Variants in RHOBTB2 observed in about 807,000 individuals in gnomAD.
RHOBTB2 encodes the protein Rho related BTB domain containing 2.
A neutral mutation model predicts 66.5 loss-of-function variants in RHOBTB2; 39 were observed. The observed-to-expected ratio is 0.59, with a 90% CI of 0.45 to 0.77. RHOBTB2 has a LOEUF of 0.77. Ranked by LOEUF, RHOBTB2 falls within the 30% of genes least tolerant of loss-of-function variation. RHOBTB2 has a pLI of 0.00. For synonymous variants in RHOBTB2, 390 were observed against 395.0 expected (o/e 0.99, Z 0.15); for missense variants, 755 against 999.1 (o/e 0.76, Z 3.29).
chr8:22,962,816 G>C, the RHOBTB2 span, among the ~76,000 whole-genome samples: 1 of 152,240 alleles, frequency 6.6e-6, no homozygotes, highest in African/African-American at 2.4e-5. Context: ...TCCCAGAGCA[G>C]AGCCATAGGC....
At chr8:22,958,681 G>C in the RHOBTB2 span, among the ~76,000 whole-genome samples, 1 of 151,534 alleles carries the variant, frequency 6.6e-6, no homozygotes. Flanking sequence ...CACACCTGTG[G>C]TTCCGGCTAC....
the RHOBTB2 span, among the ~76,000 whole-genome samples, chr8:22,981,203 A>G: frequency 2.0e-5 from 3 of 152,256 alleles, no homozygotes; most frequent in Non-Finnish European, 4.4e-5. Flanking sequence ...GCAAGTTGTC[A>G]GTGCCTGGCA....
chr8:22,964,112 GT>G, the RHOBTB2 span, among the ~76,000 whole-genome samples: 4 of 151,632 alleles, frequency 2.6e-5, no homozygotes, highest in African/African-American at 4.8e-5. Context: ...TTTTTGTTTT[GT>G]TTTTTTGTTT....
Position 23,006,934 on chromosome 8 carries a change from A to C in RHOBTB2, c.689A>C (p.Gln230Pro), listed in dbSNP as rs758475942. 5 of 1,613,230 alleles carry C rather than the reference A, an allele frequency of 3.1e-6. No individual in the cohort carries two copies. Among genetic ancestry groups the C allele is most frequent in the African/African-American group, 2.7e-5 (2 of 74,894 alleles). ...HLRNVQRPLL[Q>P]APFLPPKPPP... ...CGCAATGTGCAGCGGCCTCTGCTGC[A>C]GGCACCCTTCCTACCCCCCAAGCCA... The change falls in exon 5 of 10, where the codon CAG becomes CCG. Residue 230 changes from glutamine to proline, a missense_variant. Physicochemically the swap from Gln to Pro is moderately conservative, Grantham distance 76. Transcript: ENST00000251822. This position sits in a 1 kb window ranked among gnomAD's most constrained non-coding sequence, Gnocchi z 6.1.
intron 1 of RHOBTB2, among the ~76,000 whole-genome samples, chr8:22,989,647 G>A (rs1810375982): frequency 1.3e-5 from 2 of 152,210 alleles, no homozygotes; most frequent in Non-Finnish European, 2.9e-5. Context: ...GTTCAGGCAA[G>A]CAAGAGGAAA....
chr8:23,005,566 G>A lies in RHOBTB2; in HGVS notation c.296+91G>A, dbSNP rs1416810090. On this transcript the variant is annotated intron_variant, in intron 3 of 9. Coordinates refer to ENST00000251822, the MANE Select transcript of RHOBTB2 (RefSeq NM_015178.3). ...AACAAAGCACCTCTGTGAAATTTCA[G>A]CTGGCAAGAAGAAGTGGAGAAAACA... The A allele has an allele frequency of 5.5e-6, 5 of 914,688 alleles. No homozygotes were observed. The African/African-American group carries it at 6.6e-5, about 12-fold the overall frequency. The allele number at this position is 914,688 out of a possible 1,614,324, so 56.7% of individuals were successfully genotyped here. A position where few individuals can be genotyped will look rare whatever the true frequency, so the allele number is the denominator to read the frequency against.
chr8:22,956,935 C>T, the RHOBTB2 span, among the ~76,000 whole-genome samples: 1 of 152,196 alleles, frequency 6.6e-6, no homozygotes, highest in Non-Finnish European at 1.5e-5. Context: ...GCTGGAATTA[C>T]AGGCATGAGC....
intron 1 of RHOBTB2, among the ~76,000 whole-genome samples, chr8:23,001,653 G>A (rs1352559638): frequency 1.3e-5 from 2 of 152,272 alleles, no homozygotes; most frequent in East Asian, 1.9e-4. Context: ...AATTAACCAC[G>A]GTTCAGGAGA....
Position 23,004,636 on chromosome 8 carries a change from C to A in RHOBTB2, c.192+10C>A. The A allele has an allele frequency of 6.2e-7, 1 of 1,609,004 alleles. No individual in the cohort carries two copies. On this transcript the variant is annotated intron_variant, in intron 2 of 9. Transcript: ENST00000251822. The surrounding 1 kb of genome is among the most constrained non-coding windows in gnomAD (Gnocchi z 6.4). ...TCGTGTGTGCCAGGAGGTAAGGCTG[C>A]AGGACTACCTGGCTGGGGGTCCACG...
intron 2 of RHOBTB2, among the ~76,000 whole-genome samples, chr8:22,992,391 G>A (rs1180472634): frequency 3.9e-5 from 6 of 152,160 alleles, no homozygotes; most frequent in Non-Finnish European, 7.4e-5. Flanking sequence ...TTATTTTGGG[G>A]TGATCAGCCT....
chr8:23,007,629 A>C lies in RHOBTB2; in HGVS notation c.1384A>C (p.Met462Leu). The change falls in exon 5 of 10, where the codon ATG becomes CTG. Residue 462 changes from methionine to leucine, a missense_variant. Transcript: ENST00000251822. ...AELLEVFDLR[M>L]MVANILNNEA... ...GCTGCTCGAGGTCTTTGATCTGCGC[A>C]TGATGGTGGCCAACATTCTCAACAA... 1 of 1,614,206 alleles carries C rather than the reference A, an allele frequency of 6.2e-7. No individual in the cohort carries two copies. The highest frequency in any genetic ancestry group is 8.5e-7 in the Non-Finnish European group (1 of 1,180,034).
In RHOBTB2 at chr8:23,004,577, C is replaced by T. The variant is rs754384715; in HGVS notation, c.143C>T (p.Thr48Met). 2.0e-5 allele frequency: 33 copies of T among 1,614,012 alleles called. No homozygotes were observed. The highest frequency in any genetic ancestry group is 1.2e-4 in the Admixed American group (7 of 59,998). The change falls in exon 2 of 10, where the codon ACG (threonine) becomes ATG (methionine). Residue 48 changes from threonine (T) to methionine (M), a missense_variant. Thr to Met is a moderately conservative substitution (Grantham distance 81). Transcript: ENST00000251822. The surrounding 1 kb of genome is among the most constrained non-coding windows in gnomAD (Gnocchi z 6.4). ...CTCACCCAGTACCAGCTGCTGGCCA[C>T]GCATGTGCCCACAGTATGGGCCATC... Reference protein sequence around the residue: ...ATLTQYQLLATHVPTVWAIDQ... With the variant: ...ATLTQYQLLAMHVPTVWAIDQ...
In RHOBTB2 at chr8:23,007,107, T is replaced by A. The variant is rs1464071816; in HGVS notation, c.862T>A (p.Ser288Thr). The A allele has an allele frequency of 4.3e-6, 7 of 1,609,942 alleles. 1 individual carries two copies. The East Asian group carries it at 8.9e-5, about 21-fold the overall frequency. ...TGCCCACAAGATCTACCTCTCCACC[T>A]CTTCCTCCAAGTTCTATGACCTGTT... ...IFAHKIYLST[S>T]SSKFYDLFLM... The change falls in exon 5 of 10, where the codon TCT (serine) becomes ACT (threonine). Residue 288 changes from serine to threonine, a missense_variant. Transcript: ENST00000251822.
intron 7 of RHOBTB2, among the ~76,000 whole-genome samples, chr8:23,011,738 G>A (rs1811154124): frequency 1.3e-5 from 2 of 152,150 alleles, no homozygotes; most frequent in East Asian, 1.9e-4. Flanking sequence ...TAGTGGTGGC[G>A]GCAGGGGTAC....
chr8:23,014,560 T>C (rs1026104222), intron 7 of RHOBTB2, 130 bp from the exon 8 acceptor site: 18 of 746,908 alleles, frequency 2.4e-5, no homozygotes, highest in African/African-American at 1.4e-4. Flanking sequence ...GCCTGGGGCC[T>C]TTCCTGGCCT....
upstream of RHOBTB2, among the ~76,000 whole-genome samples, chr8:22,997,596 G>T (rs1327975795): frequency 6.6e-6 from 1 of 152,194 alleles, no homozygotes; most frequent in Non-Finnish European, 1.5e-5. Context: ...TTCTCCCAAG[G>T]CAGAAAGGGC....
At chr8:22,955,388 C>T in the RHOBTB2 span, among the ~76,000 whole-genome samples, 17 of 152,086 alleles carry the variant, frequency 1.1e-4, no homozygotes, top group Non-Finnish European at 2.1e-4. Context: ...CTGTGGCCCC[C>T]GAGGTTTACC....
At chr8:22,996,956 G>A (rs1404725759), upstream of RHOBTB2, among the ~76,000 whole-genome samples, 1 of 152,148 alleles carries the variant, frequency 6.6e-6, no homozygotes, top group Non-Finnish European at 1.5e-5. Context: ...GCAGAGTGGG[G>A]GTCCCGGGGC....
At chr8:23,002,449 T>C (rs1390267225) in intron 1 of RHOBTB2, among the ~76,000 whole-genome samples, 1 of 152,170 alleles carries the variant, frequency 6.6e-6, no homozygotes, top group Non-Finnish European at 1.5e-5. Flanking sequence ...CCCAGCACTT[T>C]GGGAGGCCAA....
Sources: allele counts gnomAD v4.1 joint callset (sites outside exome capture counted in the v4.1 genomes callset), GRCh38; gene constraint gnomAD v4.1.1; non-coding constraint Gnocchi (gnomAD v3.1); transcripts MANE v1.5; gene names NCBI Gene and HGNC (gene_info 2026-07-23, HGNC 2026-07-21).